SREBF2: variants seen among roughly 807,000 people sequenced by gnomAD.
SREBF2 encodes the protein sterol regulatory element binding transcription factor 2.
A neutral mutation model predicts 113.1 loss-of-function variants in SREBF2; 55 were observed. The observed-to-expected ratio is 0.49, with a 90% confidence interval of 0.39 to 0.61. The LOEUF (loss-of-function observed/expected upper bound fraction) is 0.61. Among genes scored for constraint, SREBF2 ranks in the 20% least tolerant of loss-of-function variants. The pLI, the probability that SREBF2 is intolerant of heterozygous loss-of-function variation, is 0.00. For synonymous variants in SREBF2, 593 were observed against 605.7 expected (o/e 0.98, Z 0.31); for missense variants, 1,349 against 1,487.4 (o/e 0.91, Z 1.53).
chr22:41,886,912 TAA>T (rs913353626), intron 11 of SREBF2, among the ~76,000 whole-genome samples: 13 of 152,184 alleles, frequency 8.5e-5, no homozygotes, highest in African/African-American at 3.1e-4. Context: ...CATGTGCCTA[TAA>T]TCTCAGCTAC....
chr22:41,884,943 G>T lies in SREBF2; in HGVS notation c.2140G>T (p.Val714Phe). The T allele has an allele frequency of 1.2e-6, 2 of 1,614,214 alleles. No homozygotes were observed. The highest frequency in any genetic ancestry group is 1.7e-6 in the Non-Finnish European group (2 of 1,180,038). ...GGAGAAGATCCCACCGAGCACACTG[G>T]TTGAGATCCATCTGACTGCTGCCAT... ...AEEKIPPSTLVEIHLTAAMGL... is the reference protein window; with the variant it reads ...AEEKIPPSTLFEIHLTAAMGL... The change falls in exon 11 of 19, where the codon GTT becomes TTT. Residue 714 changes from valine to phenylalanine, a missense_variant. Coordinates refer to ENST00000361204, the MANE Select transcript of SREBF2 (RefSeq NM_004599.4).
intron 1 of SREBF2, among the ~76,000 whole-genome samples, chr22:41,843,211 AACGTG>A (rs2076845066): frequency 6.6e-6 from 1 of 152,200 alleles, no homozygotes; most frequent in African/African-American, 2.4e-5. Context: ...TCTCTAAGTG[AACGTG>A]ACTCATCCTG....
rs1421593780 is a variant in SREBF2 at position 41,900,429 on chromosome 22, G to A, written c.2838G>A (p.Glu946=). ...DGQQSSFCHC[E]RASGHLWSSL... ...AGCAGAGTTCCTTCTGCCATTGCGA[G>A]AGGGCCAGTGGCCACCTATGGAGCA... Residue 946 remains glutamate, a synonymous_variant, in exon 16 of 19, where the codon GAG becomes GAA. Transcript: ENST00000361204. 2 of 1,613,926 alleles carry A rather than the reference G, an allele frequency of 1.2e-6. No homozygotes were observed. The highest frequency in any genetic ancestry group is 1.7e-5 in the Admixed American group (1 of 60,034).
intron 3 of SREBF2, among the ~76,000 whole-genome samples, chr22:41,869,610 A>G (rs2077120704): frequency 6.6e-6 from 1 of 150,538 alleles, no homozygotes; most frequent in African/African-American, 2.5e-5. Context: ...CAGCCTCCCA[A>G]GTAGCTGGGA....
intron 13 of SREBF2, among the ~76,000 whole-genome samples, chr22:41,896,140 C>CAA (rs939627610): frequency 1.9e-5 from 2 of 105,502 alleles, no homozygotes; most frequent in Non-Finnish European, 4.0e-5. Context: ...GACTCTGTCT[C>CAA]AAAAAAAAAA....
At chr22:41,860,602 G>A (rs1435788863) in intron 1 of SREBF2, among the ~76,000 whole-genome samples, 1 of 152,184 alleles carries the variant, frequency 6.6e-6, no homozygotes, top group Non-Finnish European at 1.5e-5. Context: ...TAACTTGCTG[G>A]GTGTGGTGGC....
intron 5 of SREBF2, among the ~76,000 whole-genome samples, chr22:41,874,521 A>G (rs1365881034): frequency 1.3e-5 from 2 of 152,252 alleles, no homozygotes; most frequent in African/African-American, 2.4e-5. Flanking sequence ...TTTAAAACCT[A>G]TCTATGTTTA....
intron 13 of SREBF2, 47 bp from the exon 14 acceptor site, chr22:41,897,005 T>G: frequency 7.3e-7 from 1 of 1,374,178 alleles, no homozygotes; most frequent in South Asian, 1.2e-5. Flanking sequence ...GAGGTGGGCC[T>G]TGTGTATATG....
chr22:41,901,284 G>C (rs1463074357), intron 16 of SREBF2, among the ~76,000 whole-genome samples: 1 of 152,206 alleles, frequency 6.6e-6, no homozygotes, highest in East Asian at 1.9e-4. Context: ...AGTACTTCAA[G>C]CTAGATATTG....
chr22:41,901,748 G>A (rs58497084), intron 16 of SREBF2, among the ~76,000 whole-genome samples: 1,992 of 152,304 alleles, frequency 0.013, 40 homozygotes, highest in African/African-American at 0.045. Context: ...TCTCTTTTGG[G>A]CTTTCCATTA....
chr22:41,894,811 C>T lies in SREBF2; in HGVS notation c.2378-9C>T. ...TCCATTTAACCCCCCTTGCCTGTCT[C>T]TTTTCCAGCTGACCCCATTGCGCAG... On this transcript the variant is annotated splice_polypyrimidine_tract_variant and intron_variant, in intron 12 of 18. Coordinates refer to ENST00000361204, the MANE Select transcript of SREBF2 (RefSeq NM_004599.4). The T allele has an allele frequency of 6.2e-7, 1 of 1,613,756 alleles. No homozygotes were observed. Among genetic ancestry groups the T allele is most frequent in the South Asian group, 1.1e-5 (1 of 91,056 alleles).
intron 11 of SREBF2, among the ~76,000 whole-genome samples, chr22:41,885,269 A>G (rs1465802313): frequency 6.6e-6 from 1 of 152,220 alleles, no homozygotes. Flanking sequence ...AATATGAGGT[A>G]ATATGAAGAT....
chr22:41,904,669 T>C, intron 17 of SREBF2, 194 bp from the exon 18 acceptor site: 2 of 712,178 alleles, frequency 2.8e-6, no homozygotes, highest in Non-Finnish European at 5.2e-6. Context: ...GCTCCTGCTG[T>C]TCAGCCAGGT....
chr22:41,842,280 C>T lies in SREBF2; in HGVS notation c.88+8922C>T, dbSNP rs191730331. 1.5e-3 allele frequency among the ~76,000 whole-genome samples: 230 copies of T among 152,310 alleles called. 1 individual carries two copies. The highest frequency in any genetic ancestry group is 5.5e-3 in the African/African-American group (227 of 41,560). Reference sequence around the variant, plus strand: ...AATTTTTAGTTTCTTTTACCTGCTTCAAAATGTATTTGTTATTACAAAAGA... The same window carrying T: ...AATTTTTAGTTTCTTTTACCTGCTTTAAAATGTATTTGTTATTACAAAAGA... On this transcript the variant is annotated intron_variant, in intron 1 of 18. Transcript: ENST00000361204.
At chr22:41,864,261 T>TATATATACAC (rs1204150898) in intron 1 of SREBF2, among the ~76,000 whole-genome samples, 30 of 50,986 alleles carry the variant, frequency 5.9e-4, no homozygotes, top group Non-Finnish European at 1.0e-3. Flanking sequence ...TATATATATA[T>TATATATACAC]ACACACACAC....
At chr22:41,848,704 G>T (rs748281927) in intron 1 of SREBF2, among the ~76,000 whole-genome samples, 1 of 152,160 alleles carries the variant, frequency 6.6e-6, no homozygotes, top group Non-Finnish European at 1.5e-5. Context: ...AGAGGAAGGA[G>T]TAAGGCTCCT....
At chr22:41,901,096 C>T in intron 16 of SREBF2, 1 of 415,314 alleles carries the variant, frequency 2.4e-6, no homozygotes, top group African/African-American at 2.1e-5. Context: ...GCACTGCTGC[C>T]ACTGTTGGGG....
intron 1 of SREBF2, among the ~76,000 whole-genome samples, chr22:41,842,717 C>T (rs144611857): frequency 5.3e-5 from 8 of 152,308 alleles, no homozygotes; most frequent in African/African-American, 1.9e-4. Context: ...GGGCTGGTCA[C>T]AGTGGCTCAT....
rs555921356 is a variant in SREBF2 at position 41,837,025 on chromosome 22, G to A, written c.88+3667G>A. Among the ~76,000 whole-genome samples, 13 of 152,240 alleles carry A rather than the reference G, an allele frequency of 8.5e-5. No individual in the cohort carries two copies. In the South Asian group the frequency reaches 1.4e-3, roughly 17 times the overall value. ...ATGATGGACAAAGGATAACTTGAGC[G>A]CGACAGATCATGTGTCTTCTCTCTC... On this transcript the variant is annotated intron_variant, in intron 1 of 18. Coordinates refer to ENST00000361204, the MANE Select transcript of SREBF2 (RefSeq NM_004599.4).
Sources: gnomAD v4.1 joint callset for allele counts (sites outside exome capture counted in the v4.1 genomes callset) on GRCh38, gnomAD v4.1.1 for gene constraint, MANE v1.5 for transcripts, NCBI Gene and HGNC (gene_info 2026-07-23, HGNC 2026-07-21) for gene names.